REPS2: variants seen among roughly 807,000 people sequenced by gnomAD.
The protein encoded by REPS2 is RALBP1 associated Eps domain containing 2.
Under a neutral mutation model 53.6 loss-of-function variants are expected in REPS2, and 23 were observed. That is an observed-to-expected ratio of 0.43 (90% CI 0.31 to 0.61). The LOEUF is 0.61. REPS2 is among the 20% of genes least tolerant of loss of function. The probability of loss-of-function intolerance (pLI) is 0.11; values close to 1 mark genes in which losing one functional copy is unlikely to be tolerated. For missense variants in REPS2, 446 were observed against 534.9 expected (o/e 0.83, Z 1.64); for synonymous variants, 238 against 218.6 (o/e 1.09, Z -0.78).
rs1380005276 is a variant in REPS2, at chrX:16,984,889, T to A, written c.274-21332T>A. ...AAGTCCACCCAACTTTCTGATGTTT[T>A]TATTGCTGGTTTGATGTGCTTGAAT... On this transcript the variant is annotated intron_variant, in intron 1 of 17. Coordinates refer to ENST00000357277, the MANE Select transcript of REPS2 (RefSeq NM_004726.3). 3.6e-5 allele frequency among the ~76,000 whole-genome samples: 4 copies of A among 111,497 alleles called. No homozygotes were observed. In the Admixed American group the frequency reaches 3.8e-4, roughly 11 times the overall value.
intron 13 of REPS2, among the ~76,000 whole-genome samples, chrX:17,097,760 GA>G (rs1449217055): frequency 9.0e-6 from 1 of 111,635 alleles, no homozygotes; most frequent in African/African-American, 3.3e-5. Context: ...ATAATAATAA[GA>G]GGGGGGTATG....
intron 13 of REPS2, among the ~76,000 whole-genome samples, chrX:17,100,719 G>A (rs1184919805): frequency 2.7e-5 from 3 of 112,135 alleles, no homozygotes; most frequent in Non-Finnish European, 5.6e-5. Flanking sequence ...TTCTAACTAG[G>A]TAAGACTGGA....
At chrX:17,133,147 C>A (rs936450607) in intron 14 of REPS2, among the ~76,000 whole-genome samples, 1 of 111,392 alleles carries the variant, frequency 9.0e-6, no homozygotes, top group African/African-American at 3.3e-5. Flanking sequence ...CCTTTACCTT[C>A]TCTCCCTTCT....
chrX:17,188,983 TA>T, the REPS2 span, among the ~76,000 whole-genome samples: 2 of 112,062 alleles, frequency 1.8e-5, no homozygotes, highest in African/African-American at 6.5e-5. Context: ...AGGCACAGAG[TA>T]GTTAAGTGGC....
intron 7 of REPS2, 28 bp downstream of exon 7, chrX:17,052,473 T>G: frequency 9.3e-7 from 1 of 1,070,860 alleles, no homozygotes; most frequent in Non-Finnish European, 1.3e-6. Flanking sequence ...CATATGACAT[T>G]CATACCATCA....
intron 13 of REPS2, chrX:17,100,371 G>A: frequency 4.3e-6 from 2 of 466,294 alleles, no homozygotes; most frequent in East Asian, 7.0e-5. Flanking sequence ...AGCCGGAAAG[G>A]AATCGGTGCT....
chrX:17,081,515 A>C (rs954401560), intron 13 of REPS2, among the ~76,000 whole-genome samples: 1 of 112,620 alleles, frequency 8.9e-6, no homozygotes, highest in Non-Finnish European at 1.9e-5. Flanking sequence ...AAAAAGAACA[A>C]AGGGCTGATT....
chrX:16,951,597 T>C (rs1466458704), intron 1 of REPS2, among the ~76,000 whole-genome samples: 1 of 106,415 alleles, frequency 9.4e-6, no homozygotes, highest in African/African-American at 3.5e-5. Context: ...ATGCCTGTAG[T>C]CCCAGCTATT....
chrX:17,026,046 G>A (rs957988080), intron 4 of REPS2, among the ~76,000 whole-genome samples: 8 of 111,492 alleles, frequency 7.2e-5, no homozygotes, highest in East Asian at 2.8e-4. Context: ...ATAAAACTGC[G>A]CGCTAGGCTG....
intron 9 of REPS2, among the ~76,000 whole-genome samples, chrX:17,065,219 A>G (rs2062209670): frequency 8.9e-6 from 1 of 112,013 alleles, no homozygotes. Flanking sequence ...AAGCAACTAT[A>G]CTATTTTACA....
chrX:17,045,654 G>A (rs1430746768), intron 5 of REPS2, among the ~76,000 whole-genome samples: 1 of 108,621 alleles, frequency 9.2e-6, no homozygotes, highest in Non-Finnish European at 1.9e-5. Flanking sequence ...ACCTCTTTAT[G>A]TAACCTTCCT....
intron 8 of REPS2, 126 bp from the exon 9 acceptor site, chrX:17,062,312 A>G (rs2062168639): frequency 2.1e-6 from 1 of 478,142 alleles, no homozygotes; most frequent in Admixed American, 4.1e-5. Context: ...GATGAATGCC[A>G]TATGTGGTCT....
At chrX:16,997,885 G>C (rs1034951619) in intron 1 of REPS2, among the ~76,000 whole-genome samples, 1 of 111,758 alleles carries the variant, frequency 8.9e-6, no homozygotes, top group African/African-American at 3.3e-5. Flanking sequence ...TCATCTTTAA[G>C]AACCATGCTC....
chrX:16,968,374 G>T (rs2060805784), intron 1 of REPS2, among the ~76,000 whole-genome samples: 1 of 112,430 alleles, frequency 8.9e-6, no homozygotes, highest in East Asian at 2.8e-4. Context: ...CCCAGACGGG[G>T]TGGTGGCCGG....
At chrX:17,134,151 G>A (rs777326585) in intron 15 of REPS2, among the ~76,000 whole-genome samples, 1 of 111,543 alleles carries the variant, frequency 9.0e-6, no homozygotes, top group Non-Finnish European at 1.9e-5. Flanking sequence ...GCTAAACATG[G>A]TGGCCTTGTT....
At chrX:17,155,717 C>T (rs1405367783), downstream of REPS2, among the ~76,000 whole-genome samples, 1 of 112,259 alleles carries the variant, frequency 8.9e-6, no homozygotes, top group Non-Finnish European at 1.9e-5. Context: ...AATGTTTTAA[C>T]GTGGACCAAA....
chrX:17,062,394 G>A, intron 8 of REPS2, 44 bp from the exon 9 acceptor site: 1 of 962,840 alleles, frequency 1.0e-6, no homozygotes, highest in Non-Finnish European at 1.5e-6. Context: ...TGATTACTAT[G>A]GCTATAGGAA....
intron 8 of REPS2, among the ~76,000 whole-genome samples, chrX:17,055,638 G>A (rs913905216): frequency 4.7e-5 from 5 of 107,427 alleles, no homozygotes; most frequent in Admixed American, 4.1e-4. Flanking sequence ...TTTTTCTCAG[G>A]TTTGTCAAAC....
intron 1 of REPS2, among the ~76,000 whole-genome samples, chrX:17,000,087 T>C (rs1338484607): frequency 9.3e-6 from 1 of 107,051 alleles, no homozygotes; most frequent in Non-Finnish European, 1.9e-5. Flanking sequence ...TTATTTCTAG[T>C]GTGTGAACTA....
Sources: allele counts gnomAD v4.1 joint callset (sites outside exome capture counted in the v4.1 genomes callset), GRCh38; gene constraint gnomAD v4.1.1; transcripts MANE v1.5; gene names NCBI Gene and HGNC (gene_info 2026-07-23, HGNC 2026-07-21).